YEATS4: variants seen among roughly 807,000 people sequenced by gnomAD.
The protein encoded by YEATS4 is YEATS domain-containing protein 4.
In YEATS4, 17 loss-of-function variants were observed where a neutral mutation model predicts 30.1. That is an observed-to-expected ratio of 0.56 (90% CI 0.39 to 0.85). The LOEUF is 0.85. Ranked by LOEUF, YEATS4 falls within the 40% of genes least tolerant of loss-of-function variation. The pLI is 0.00. For missense variants in YEATS4, 142 were observed against 268.3 expected (o/e 0.53, Z 3.29); for synonymous variants, 85 against 87.5 (o/e 0.97, Z 0.16).
At chr12:69,372,537 G>GTGTTTTTTTT (rs1875684220) in intron 6 of YEATS4, among the ~76,000 whole-genome samples, 1 of 123,040 alleles carries the variant, frequency 8.1e-6, no homozygotes, top group African/African-American at 3.1e-5. Flanking sequence ...TATCTCATGA[G>GTGTTTTTTTT]TTTTTTTTTT....
Position 69,390,476 on chromosome 12 carries a change from C to A in YEATS4, c.*160C>A. 1 of 583,412 alleles carries A rather than the reference C, an allele frequency of 1.7e-6. No homozygotes were observed. The highest frequency in any genetic ancestry group is 3.9e-5 in the South Asian group (1 of 25,692). 36.1% of individuals were successfully genotyped at this position (583,412 alleles called of 1,614,324 possible). A position where few individuals can be genotyped will look rare whatever the true frequency, so the allele number is the denominator to read the frequency against. On this transcript the variant is annotated 3_prime_UTR_variant, in exon 7 of 7. Transcript: ENST00000247843. ...GCAATAGGAATTTGTACTATTTAAG[C>A]AATCTTTAATGGAAAATATGTGTGT...
intron 4 of YEATS4, among the ~76,000 whole-genome samples, chr12:69,369,144 C>T (rs1354635295): frequency 2.0e-5 from 3 of 152,206 alleles, no homozygotes; most frequent in African/African-American, 7.2e-5. Flanking sequence ...TCCAAGAAAA[C>T]TGCTTTTTAA....
chr12:69,420,747 C>T, the YEATS4 span, among the ~76,000 whole-genome samples: 1 of 128,196 alleles, frequency 7.8e-6, no homozygotes, highest in South Asian at 2.8e-4. Flanking sequence ...AACTTTAACA[C>T]AATAAAAAAC....
At position 69,381,355 on chromosome 12, in the gene YEATS4, G is replaced by C. The variant is rs1012826663; in HGVS notation, c.515-8792G>C. ...GTTCTGCCTGGCTCACCGGCAGTCA[G>C]AGTTTAAGGTTATCTCTCTTGTTCC... On this transcript the variant is annotated intron_variant, in intron 6 of 6. Transcript: ENST00000247843. Among the ~76,000 whole-genome samples, 12 of 152,214 alleles carry C rather than the reference G, an allele frequency of 7.9e-5. No individual in the cohort carries two copies. The South Asian group carries it at 1.5e-3, about 18-fold the overall frequency.
intron 4 of YEATS4, among the ~76,000 whole-genome samples, chr12:69,368,847 CAT>C (rs1236052423): frequency 1.3e-5 from 2 of 152,172 alleles, no homozygotes; most frequent in African/African-American, 4.8e-5. Context: ...GGACACCAGT[CAT>C]ATTGGATTGT....
chr12:69,403,059 T>C, the YEATS4 span, among the ~76,000 whole-genome samples: 1 of 152,158 alleles, frequency 6.6e-6, no homozygotes, highest in Admixed American at 6.5e-5. Context: ...GTAAAAAATA[T>C]TCTTTATTCA....
At chr12:69,388,526 T>C (rs1390299885) in intron 6 of YEATS4, among the ~76,000 whole-genome samples, 1 of 152,184 alleles carries the variant, frequency 6.6e-6, no homozygotes. Context: ...TAAGTATAAG[T>C]GTACTTTAAT....
At chr12:69,412,769 C>T in the YEATS4 span, among the ~76,000 whole-genome samples, 1 of 152,238 alleles carries the variant, frequency 6.6e-6, no homozygotes, top group African/African-American at 2.4e-5. Flanking sequence ...AGTGCATAGG[C>T]TTGGGCTACA....
chr12:69,385,214 C>T (rs926975849), intron 6 of YEATS4, among the ~76,000 whole-genome samples: 1 of 151,674 alleles, frequency 6.6e-6, no homozygotes, highest in African/African-American at 2.4e-5. Context: ...GGTTTCTCCA[C>T]CTCAGACTCC....
In YEATS4 at chr12:69,365,809, T is replaced by C; in HGVS notation, c.258T>C (p.Tyr86=). The change falls in exon 4 of 7, where the codon TAT becomes TAC. Residue 86 remains tyrosine (Y), a synonymous_variant. Coordinates refer to ENST00000247843, the MANE Select transcript of YEATS4 (RefSeq NM_006530.4). Reference sequence around the variant, plus strand: ...CTTTAGTTGTTACTAAACCTCCATATGAAATTACTGAAACAGGATGGGGTG... The same window carrying C: ...CTTTAGTTGTTACTAAACCTCCATACGAAATTACTGAAACAGGATGGGGTG... ...NPLRVVTKPP[Y]EITETGWGEF... is the part of the protein sequence containing the mutation. 1 of 1,609,824 alleles carries C rather than the reference T, an allele frequency of 6.2e-7. No individual in the cohort carries two copies. Among genetic ancestry groups the C allele is most frequent in the Non-Finnish European group, 8.5e-7 (1 of 1,178,740 alleles).
chr12:69,396,379 T>A, the YEATS4 span, among the ~76,000 whole-genome samples: 3 of 152,220 alleles, frequency 2.0e-5, no homozygotes, highest in African/African-American at 7.2e-5. Flanking sequence ...GATTCAATTT[T>A]AATTCAGCAT....
chr12:69,391,465 A>G (rs1179681811), downstream of YEATS4, among the ~76,000 whole-genome samples: 3 of 152,108 alleles, frequency 2.0e-5, no homozygotes, highest in East Asian at 1.9e-4. Context: ...ATTAATACCT[A>G]ATCTTTAAAG....
At chr12:69,402,819 G>C in the YEATS4 span, among the ~76,000 whole-genome samples, 1 of 145,864 alleles carries the variant, frequency 6.9e-6, no homozygotes, top group Non-Finnish European at 1.5e-5. Context: ...TCCATCTCCT[G>C]GGCTCATGCA....
At chr12:69,370,619 C>A (rs111814058) in intron 4 of YEATS4, 87 bp from the exon 5 acceptor site, 1 of 1,084,282 alleles carries the variant, frequency 9.2e-7, no homozygotes, top group East Asian at 2.7e-5. Context: ...TATACTTATT[C>A]CAGTCTCTAT....
At chr12:69,365,414 G>T (rs1255970410) in intron 2 of YEATS4, among the ~76,000 whole-genome samples, 1 of 148,706 alleles carries the variant, frequency 6.7e-6, no homozygotes, top group African/African-American at 2.5e-5. Context: ...TCATGCCACT[G>T]CACTCCAGCC....
intron 4 of YEATS4, among the ~76,000 whole-genome samples, chr12:69,368,342 T>C (rs994530287): frequency 2.0e-5 from 3 of 152,312 alleles, no homozygotes; most frequent in East Asian, 3.9e-4. Flanking sequence ...TTCCTAGAAA[T>C]AGGGATTTCT....
At chr12:69,413,353 G>GAAAAA in the YEATS4 span, among the ~76,000 whole-genome samples, 2 of 110,630 alleles carry the variant, frequency 1.8e-5, no homozygotes, top group African/African-American at 3.8e-5. Flanking sequence ...GTCTCTAAAT[G>GAAAAA]AAAAAAAAAA....
the YEATS4 span, chr12:69,401,081 GT>G: frequency 6.6e-6 from 1 of 152,138 alleles, no homozygotes; most frequent in Non-Finnish European, 1.5e-5. Flanking sequence ...CTAAGGAAGG[GT>G]GAGCCAGCCC....
intron 6 of YEATS4, among the ~76,000 whole-genome samples, 183 bp from the exon 7 acceptor site, chr12:69,389,964 C>T (rs943649147): frequency 6.6e-6 from 1 of 152,138 alleles, no homozygotes; most frequent in African/African-American, 2.4e-5. Flanking sequence ...CTTAGATCCT[C>T]TCTTGGGAAT....
Sources: gnomAD v4.1 joint callset for allele counts (sites outside exome capture counted in the v4.1 genomes callset) on GRCh38, gnomAD v4.1.1 for gene constraint, MANE v1.5 for transcripts, NCBI Gene and HGNC (gene_info 2026-07-23, HGNC 2026-07-21) for gene names.